The following CAMSAP1 variants were observed in gnomAD, a reference collection of about 807,000 sequenced individuals.
CAMSAP1 encodes calmodulin regulated spectrin associated protein 1.
In CAMSAP1, 58 loss-of-function variants were observed where a neutral mutation model predicts 143.5. That is an observed-to-expected ratio of 0.40 (90% CI 0.33 to 0.50). The LOEUF (loss-of-function observed/expected upper bound fraction) is 0.50. Among genes scored for constraint, CAMSAP1 ranks in the 20% least tolerant of loss-of-function variants. The pLI, the probability that CAMSAP1 is intolerant of heterozygous loss-of-function variation, is 0.45. For missense variants in CAMSAP1, 1,969 were observed against 2,115.7 expected, an observed-to-expected ratio of 0.93 and a Z score of 1.36; for synonymous variants, 945 against 859.3, an observed-to-expected ratio of 1.10 and a Z score of -1.74.
rs746906518 is a variant in CAMSAP1 at position 135,822,597 on chromosome 9, G to A, written c.2064C>T (p.Phe688=). The A allele has an allele frequency of 1.9e-5, 31 of 1,613,218 alleles. No individual in the cohort carries two copies. The highest frequency in any genetic ancestry group is 1.6e-4 in the Middle Eastern group (1 of 6,082). The change falls in exon 11 of 17, where the codon TTC becomes TTT. Residue 688 remains phenylalanine, a synonymous_variant. Coordinates refer to ENST00000389532, the MANE Select transcript of CAMSAP1 (RefSeq NM_015447.4). This position sits in a 1 kb window ranked among gnomAD's most constrained non-coding sequence, Gnocchi z 6.1. ...VCGGPLALGG[F]DPFPQGPSTD... ...TGGATGGTCCCTGGGGGAACGGATC[G>A]AATCCGCCAAGGGCCAGAGGCCCAC...
intron 1 of CAMSAP1, 114 bp from the exon 2 acceptor site, chr9:135,883,192 G>A: frequency 1.7e-6 from 2 of 1,150,952 alleles, no homozygotes; most frequent in South Asian, 1.6e-5. Context: ...GGCAACACAG[G>A]GAGACCAAGT....
intron 8 of CAMSAP1, among the ~76,000 whole-genome samples, chr9:135,825,930 T>A (rs1835655801): frequency 6.6e-6 from 1 of 151,958 alleles, no homozygotes; most frequent in African/African-American, 2.4e-5. Flanking sequence ...AGAGAGGGGC[T>A]CAAGGCAGGG....
chr9:135,872,718 A>T (rs1246771292), intron 3 of CAMSAP1, among the ~76,000 whole-genome samples: 1 of 152,264 alleles, frequency 6.6e-6, no homozygotes, highest in Non-Finnish European at 1.5e-5. Flanking sequence ...CATCCACATT[A>T]AATGAAGTAG....
intron 1 of CAMSAP1, among the ~76,000 whole-genome samples, chr9:135,905,266 C>T (rs945274200): frequency 1.1e-4 from 16 of 152,208 alleles, no homozygotes; most frequent in Admixed American, 9.8e-4. Flanking sequence ...GACACGCGTA[C>T]TTATTTCTGG....
intron 1 of CAMSAP1, among the ~76,000 whole-genome samples, chr9:135,888,352 C>T (rs1838190156): frequency 6.6e-6 from 1 of 152,188 alleles, no homozygotes; most frequent in South Asian, 2.1e-4. Context: ...GCACGGGGCT[C>T]GGGAGGAGGT....
intron 16 of CAMSAP1, 69 bp downstream of exon 16, chr9:135,815,028 A>T: frequency 1.8e-6 from 2 of 1,142,646 alleles, no homozygotes; most frequent in South Asian, 1.4e-5. Context: ...GTTTTCTTTT[A>T]AAAAGAACCC....
chr9:135,849,370 A>C (rs1456045323), intron 7 of CAMSAP1, among the ~76,000 whole-genome samples: 2 of 152,230 alleles, frequency 1.3e-5, no homozygotes, highest in African/African-American at 4.8e-5. Flanking sequence ...GTGAAGCTGA[A>C]AAATCTTAAG....
Position 135,886,276 on chromosome 9 carries a change from A to G in CAMSAP1, c.161-3198T>C, listed in dbSNP as rs114074785. ...GGCTGAGCCTCGTAAGACAACTGAA[A>G]AGTCAACAGGTAATTTCCACGCAAT... On this transcript the variant is annotated intron_variant, in intron 1 of 16. Coordinates refer to ENST00000389532, the MANE Select transcript of CAMSAP1 (RefSeq NM_015447.4). 5.1e-3 allele frequency among the ~76,000 whole-genome samples: 783 copies of G among 152,282 alleles called. 5 individuals carry two copies. Among genetic ancestry groups the G allele is most frequent in the African/African-American group, 0.018 (753 of 41,550 alleles).
At chr9:135,815,763 CACT>C in intron 15 of CAMSAP1, 124 bp downstream of exon 15, 1 of 783,880 alleles carries the variant, frequency 1.3e-6, no homozygotes. Context: ...AGCTCTCTTT[CACT>C]ACATCAAACA....
rs561650462 is a variant in CAMSAP1 at position 135,836,626 on chromosome 9, T to C, written c.1046-9042A>G. On this transcript the variant is annotated intron_variant, in intron 7 of 16. Coordinates refer to ENST00000389532, the MANE Select transcript of CAMSAP1 (RefSeq NM_015447.4). ...ACACATCGCCACGTACCTTCTACCC[T>C]GTTCTACAGACACACATCATCACGC... 261 of 980,626 alleles carry C rather than the reference T, an allele frequency of 2.7e-4. No individual in the cohort carries two copies. In the African/African-American group the frequency reaches 4.3e-3, roughly 16 times the overall value. 60.7% of individuals were successfully genotyped at this position (980,626 alleles called of 1,614,324 possible). A position where few individuals can be genotyped will look rare whatever the true frequency, so the allele number is the denominator to read the frequency against.
intron 3 of CAMSAP1, among the ~76,000 whole-genome samples, chr9:135,880,879 C>T (rs544967116): frequency 6.6e-6 from 1 of 152,264 alleles, no homozygotes; most frequent in Non-Finnish European, 1.5e-5. Context: ...TAAAAGTAAA[C>T]ATTCTTTACA....
chr9:135,843,914 A>C (rs993821169), intron 7 of CAMSAP1, among the ~76,000 whole-genome samples: 1 of 151,670 alleles, frequency 6.6e-6, no homozygotes, highest in African/African-American at 2.4e-5. Flanking sequence ...TAACTATCCT[A>C]AATCTGTATG....
At chr9:135,819,672 TAAAAAAAAAAA>T (rs55894826) in intron 11 of CAMSAP1, among the ~76,000 whole-genome samples, 4 of 104,632 alleles carry the variant, frequency 3.8e-5, no homozygotes, top group Non-Finnish European at 7.5e-5. Flanking sequence ...TGTCTCCACT[TAAAAAAAAAAA>T]AAAAAAAAAA....
chr9:135,887,435 TG>T (rs1300618204), intron 1 of CAMSAP1, among the ~76,000 whole-genome samples: 1 of 152,190 alleles, frequency 6.6e-6, no homozygotes, highest in African/African-American at 2.4e-5. Flanking sequence ...GCGGGAACTG[TG>T]CCTCTGCTCT....
In CAMSAP1 at chr9:135,818,970, C is replaced by G; in HGVS notation, c.3959+40G>C. 1 of 1,596,376 alleles carries G rather than the reference C, an allele frequency of 6.3e-7. No individual in the cohort carries two copies. The highest frequency in any genetic ancestry group is 1.3e-5 in the African/African-American group (1 of 74,786). On this transcript the variant is annotated intron_variant, in intron 12 of 16. Transcript: ENST00000389532. This position sits in a 1 kb window ranked among gnomAD's most constrained non-coding sequence, Gnocchi z 7.7. ...CCGGGGCCGCCAGGGACCCACCAGGCTCCTGCTCAGTCTGCTTTCCCCCCC... is the reference window on the plus strand; with the variant it reads ...CCGGGGCCGCCAGGGACCCACCAGGGTCCTGCTCAGTCTGCTTTCCCCCCC...
At chr9:135,859,210 C>T (rs1327759195) in intron 5 of CAMSAP1, among the ~76,000 whole-genome samples, 5 of 152,172 alleles carry the variant, frequency 3.3e-5, no homozygotes, top group African/African-American at 7.2e-5. Flanking sequence ...ATCGACTGCA[C>T]GTTTTATAAA....
intron 1 of CAMSAP1, among the ~76,000 whole-genome samples, chr9:135,900,961 C>A (rs1490333230): frequency 6.6e-6 from 1 of 151,990 alleles, no homozygotes; most frequent in Non-Finnish European, 1.5e-5. Context: ...ACCATGTTGG[C>A]CGGGCTGGTC....
chr9:135,884,569 G>A (rs1838064517), intron 1 of CAMSAP1, among the ~76,000 whole-genome samples: 1 of 152,218 alleles, frequency 6.6e-6, no homozygotes, highest in Admixed American at 6.5e-5. Flanking sequence ...CAACCCAAGG[G>A]CAGCCAGGGC....
Position 135,907,492 on chromosome 9 carries a change from G to C in CAMSAP1, c.-333C>G, listed in dbSNP as rs1213339183. Reference sequence around the variant, plus strand: ...GCAGCGCGTGCGCGGTCCCGGGTGAGCGGCGGCGGCGGCGACAGCGGCTGA... The same window carrying C: ...GCAGCGCGTGCGCGGTCCCGGGTGACCGGCGGCGGCGGCGACAGCGGCTGA... On this transcript the variant is annotated 5_prime_UTR_variant, in exon 1 of 17. Transcript: ENST00000389532. Among the ~76,000 whole-genome samples, 1 of 147,046 alleles carries C rather than the reference G, an allele frequency of 6.8e-6. No homozygotes were observed. The highest frequency in any genetic ancestry group is 1.5e-5 in the Non-Finnish European group (1 of 66,058).
Sources: allele counts gnomAD v4.1 joint callset (sites outside exome capture counted in the v4.1 genomes callset), GRCh38; gene constraint gnomAD v4.1.1; non-coding constraint Gnocchi (gnomAD v3.1); transcripts MANE v1.5; gene names NCBI Gene and HGNC (gene_info 2026-07-23, HGNC 2026-07-21).